The following LRRC4C variants were observed in gnomAD, a reference collection of about 807,000 sequenced individuals.
LRRC4C encodes leucine rich repeat containing 4C.
LRRC4C carries 5 observed loss-of-function variants against 33.6 expected under a neutral mutation model. That is an observed-to-expected ratio of 0.15 (90% CI 0.08 to 0.31). LRRC4C has a LOEUF of 0.31. Ranked by LOEUF, LRRC4C falls within the 10% of genes least tolerant of loss-of-function variation. LRRC4C has a pLI of 1.00. For synonymous variants in LRRC4C, 329 were observed against 302.0 expected (o/e 1.09, Z -0.93); for missense variants, 560 against 796.7 (o/e 0.70, Z 3.58).
intron 1 of LRRC4C, among the ~76,000 whole-genome samples, chr11:41,186,497 C>A (rs1224506740): frequency 3.3e-5 from 5 of 152,276 alleles, no homozygotes; most frequent in Middle Eastern, 6.8e-3. Context: ...ATAGTTGGCT[C>A]ATGGGTTAGG....
intron 2 of LRRC4C, among the ~76,000 whole-genome samples, chr11:40,871,854 C>G (rs1260799551): frequency 6.6e-6 from 1 of 152,144 alleles, no homozygotes; most frequent in African/African-American, 2.4e-5. Flanking sequence ...ACACTCATTG[C>G]ACCTTCCTTG....
chr11:40,322,078 A>T (rs541251746), intron 3 of LRRC4C, among the ~76,000 whole-genome samples: 1 of 152,098 alleles, frequency 6.6e-6, no homozygotes, highest in East Asian at 1.9e-4. Context: ...GCTGGAAGGG[A>T]CTCACCAATC....
chr11:40,871,702 T>C lies in LRRC4C; in HGVS notation c.-407+61933A>G, dbSNP rs114847051. Among the ~76,000 whole-genome samples the C allele has an allele frequency of 5.4e-3, 819 of 152,164 alleles. 13 individuals are homozygous for C. The highest frequency in any genetic ancestry group is 0.017 in the African/African-American group (725 of 41,518). On this transcript the variant is annotated intron_variant, in intron 2 of 6. Coordinates refer to ENST00000528697, the MANE Select transcript of LRRC4C (RefSeq NM_001258419.2). ...ATCTCTTCCACCTGGTACACTAGAC[T>C]CCCCACTCTCCTGCAGCTTCCTTTA...
At chr11:40,365,216 G>A (rs1378184162) in intron 3 of LRRC4C, among the ~76,000 whole-genome samples, 2 of 151,902 alleles carry the variant, frequency 1.3e-5, no homozygotes, top group Admixed American at 6.6e-5. Flanking sequence ...GCATTGTGAT[G>A]TATCATATAT....
At chr11:41,192,660 C>A (rs1385501016) in intron 1 of LRRC4C, among the ~76,000 whole-genome samples, 1 of 151,912 alleles carries the variant, frequency 6.6e-6, no homozygotes, top group African/African-American at 2.4e-5. Context: ...CTTAAAAATG[C>A]AGCTTTTACG....
At chr11:40,555,204 A>G (rs1455320400) in intron 3 of LRRC4C, among the ~76,000 whole-genome samples, 3 of 152,016 alleles carry the variant, frequency 2.0e-5, no homozygotes, top group African/African-American at 7.2e-5. Flanking sequence ...AAGAGAGATA[A>G]TTTTCCTTCC....
chr11:41,378,246 A>G lies in LRRC4C; in HGVS notation c.-496+81185T>C, dbSNP rs553669850. ...CAGATGCAGCATTCTACTAAGAGAT[A>G]AAGAACATGGGAATGAAGAAAAGGC... is the stretch of plus-strand genomic sequence containing the variant. On this transcript the variant is annotated intron_variant, in intron 1 of 6. Coordinates refer to ENST00000528697, the MANE Select transcript of LRRC4C (RefSeq NM_001258419.2). Among the ~76,000 whole-genome samples the G allele has an allele frequency of 5.3e-5, 8 of 152,290 alleles. No individual in the cohort carries two copies. In the South Asian group the frequency reaches 8.3e-4, roughly 16 times the overall value.
intron 4 of LRRC4C, among the ~76,000 whole-genome samples, chr11:40,250,904 G>A (rs370305181): frequency 6.6e-6 from 1 of 151,972 alleles, no homozygotes; most frequent in South Asian, 2.1e-4. Flanking sequence ...ATCTTTTCTC[G>A]CCTCAGTAGT....
chr11:40,413,041 G>A (rs1198757630), intron 3 of LRRC4C, among the ~76,000 whole-genome samples: 2 of 151,914 alleles, frequency 1.3e-5, no homozygotes, highest in African/African-American at 2.4e-5. Flanking sequence ...CAATTCAGAG[G>A]CCTATTTATT....
chr11:40,246,819 A>G (rs1866378189), intron 4 of LRRC4C, among the ~76,000 whole-genome samples: 2 of 152,184 alleles, frequency 1.3e-5, no homozygotes. Context: ...AATAAAAAGT[A>G]TATGTGTCAG....
intron 3 of LRRC4C, among the ~76,000 whole-genome samples, chr11:40,546,259 T>G (rs1014971263): frequency 6.6e-6 from 1 of 152,012 alleles, no homozygotes; most frequent in African/African-American, 2.4e-5. Context: ...GAGGAGATTA[T>G]GGAAGACATG....
intron 1 of LRRC4C, among the ~76,000 whole-genome samples, chr11:41,021,865 C>T (rs1020189572): frequency 6.6e-6 from 1 of 151,788 alleles, no homozygotes; most frequent in Non-Finnish European, 1.5e-5. Context: ...GATAGTATAC[C>T]ACATCATAAA....
At chr11:40,328,004 T>C (rs897795495) in intron 3 of LRRC4C, among the ~76,000 whole-genome samples, 7 of 152,130 alleles carry the variant, frequency 4.6e-5, no homozygotes, top group African/African-American at 9.7e-5. Flanking sequence ...GTGATCTTTA[T>C]ACATGTTAAC....
intron 1 of LRRC4C, among the ~76,000 whole-genome samples, chr11:41,312,982 G>GACT (rs1950684867): frequency 1.3e-5 from 2 of 152,168 alleles, no homozygotes; most frequent in African/African-American, 4.8e-5. Flanking sequence ...AGTGGTCCTG[G>GACT]ACTAATACAT....
At chr11:41,015,206 T>C (rs935825860) in intron 1 of LRRC4C, among the ~76,000 whole-genome samples, 1 of 152,228 alleles carries the variant, frequency 6.6e-6, no homozygotes, top group Non-Finnish European at 1.5e-5. Context: ...TTTAAAATAT[T>C]ATATTTTATT....
intron 3 of LRRC4C, among the ~76,000 whole-genome samples, chr11:40,418,661 G>C (rs1207123657): frequency 6.6e-6 from 1 of 152,122 alleles, no homozygotes; most frequent in African/African-American, 2.4e-5. Context: ...GCATGCACAC[G>C]TATGTTCACT....
At chr11:40,164,967 G>T (rs1168298874) in intron 5 of LRRC4C, among the ~76,000 whole-genome samples, 1 of 152,248 alleles carries the variant, frequency 6.6e-6, no homozygotes, top group Non-Finnish European at 1.5e-5. Context: ...CCAAATTGAA[G>T]TATAATTGCT....
intron 3 of LRRC4C, among the ~76,000 whole-genome samples, chr11:40,437,146 C>T (rs189380431): frequency 1.3e-5 from 2 of 152,222 alleles, no homozygotes; most frequent in African/African-American, 4.8e-5. Context: ...ATAATGGAAG[C>T]GAGAACTATG....
At chr11:41,012,129 A>G (rs1023812671) in intron 1 of LRRC4C, among the ~76,000 whole-genome samples, 165 of 152,196 alleles carry the variant, frequency 1.1e-3, no homozygotes, top group African/African-American at 3.7e-3. Flanking sequence ...TGTACAATAG[A>G]TTACTGTAAA....
Sources: allele counts gnomAD v4.1 joint callset (sites outside exome capture counted in the v4.1 genomes callset), GRCh38; gene constraint gnomAD v4.1.1; transcripts MANE v1.5; gene names NCBI Gene and HGNC (gene_info 2026-07-23, HGNC 2026-07-21).